The following CAPN14 variants were observed in gnomAD, a reference collection of about 807,000 sequenced individuals.
The protein encoded by CAPN14 is calpain-14.
A neutral mutation model predicts 101.3 loss-of-function variants in CAPN14; 94 were observed. The observed-to-expected ratio is 0.93, with a 90% CI of 0.79 to 1.10. The LOEUF is 1.10. Among genes scored for constraint, CAPN14 ranks in the 50% least tolerant of loss-of-function variants. CAPN14 has a pLI of 0.00. For synonymous variants in CAPN14, 338 were observed against 317.9 expected (o/e 1.06, Z -0.67); for missense variants, 837 against 828.4 (o/e 1.01, Z -0.13).
Position 31,191,368 on chromosome 2 carries a change from C to A in CAPN14, c.1287+31G>T, listed in dbSNP as rs1300622037. 3 of 1,541,554 alleles carry A rather than the reference C, an allele frequency of 1.9e-6. No individual in the cohort carries two copies. In the African/African-American group the frequency reaches 4.2e-5, roughly 22 times the overall value. ...TGGCCACATGTGATGTCACCCCAAA[C>A]TAGGGCCACCCGGTCAAGTGCAGAA... On this transcript the variant is annotated intron_variant, in intron 12 of 21. Transcript: ENST00000403897.
intron 1 of CAPN14, among the ~76,000 whole-genome samples, chr2:31,215,270 C>CT (rs56002934): frequency 0.42 from 62,430 of 149,454 alleles, 13,780 homozygotes; most frequent in East Asian, 0.58. Flanking sequence ...AAATTCATTC[C>CT]TTTTTTTTTT....
intron 11 of CAPN14, among the ~76,000 whole-genome samples, chr2:31,191,681 A>T (rs1681186215): frequency 3.3e-5 from 5 of 152,248 alleles, no homozygotes; most frequent in Non-Finnish European, 7.3e-5. Flanking sequence ...TGTGCCAGGC[A>T]CAATAACAAG....
At chr2:31,205,759 G>C (rs980749602) in intron 1 of CAPN14, among the ~76,000 whole-genome samples, 1 of 152,106 alleles carries the variant, frequency 6.6e-6, no homozygotes, top group Non-Finnish European at 1.5e-5. Flanking sequence ...TCAGGGCTGA[G>C]TCCTGGGCCC....
chr2:31,215,848 G>GA (rs35210385), intron 1 of CAPN14, among the ~76,000 whole-genome samples: 28 of 134,384 alleles, frequency 2.1e-4, no homozygotes, highest in Non-Finnish European at 3.7e-4. Context: ...TCTTAAAAAA[G>GA]AAAAAAAAAA....
At chr2:31,198,327 T>C (rs976134166) in intron 7 of CAPN14, among the ~76,000 whole-genome samples, 1 of 144,960 alleles carries the variant, frequency 6.9e-6, no homozygotes, top group African/African-American at 2.5e-5. Flanking sequence ...TGATGTCTCA[T>C]GTCTCCCTAA....
chr2:31,174,760 G>T (rs1229213701), intron 21 of CAPN14, 53 bp from the exon 22 acceptor site: 10 of 1,538,162 alleles, frequency 6.5e-6, no homozygotes, highest in Non-Finnish European at 8.8e-6. Flanking sequence ...CGTCTCATCT[G>T]GGCCTCCCCA....
Position 31,200,594 on chromosome 2 carries a change from C to T in CAPN14, c.583G>A (p.Gly195Arg), listed in dbSNP as rs1217087492. Residue 195 changes from glycine to arginine, a missense_variant, in exon 6 of 22, where the codon GGA (glycine) becomes AGA (arginine). Transcript: ENST00000403897. ...LSGSYEDLQS[G>R]QVSEALVDFT... Reference sequence around the variant, plus strand: ...TCTACAAGGGCTTCAGACACCTGTCCTGACTGCAAGTCTTCATAGGAACCA... The same window carrying T: ...TCTACAAGGGCTTCAGACACCTGTCTTGACTGCAAGTCTTCATAGGAACCA... 7.1e-6 allele frequency: 11 copies of T among 1,551,274 alleles called. No homozygotes were observed. The highest frequency in any genetic ancestry group is 9.6e-6 in the Non-Finnish European group (11 of 1,146,900).
intron 1 of CAPN14, among the ~76,000 whole-genome samples, chr2:31,216,328 T>C (rs558655304): frequency 3.3e-5 from 5 of 152,304 alleles, no homozygotes; most frequent in African/African-American, 1.2e-4. Flanking sequence ...CCTTTTCTAC[T>C]GCTTGTTTTG....
At chr2:31,181,583 AC>A (rs1481283342) in intron 16 of CAPN14, among the ~76,000 whole-genome samples, 1 of 145,878 alleles carries the variant, frequency 6.9e-6, no homozygotes, top group African/African-American at 2.6e-5. Context: ...CAGGTTAGTT[AC>A]GTATGTATAC....
chr2:31,193,129 A>C lies in CAPN14; in HGVS notation c.1114+2T>G, dbSNP rs1216326803. 5.2e-6 allele frequency: 8 copies of C among 1,548,714 alleles called. No individual in the cohort carries two copies. The highest frequency in any genetic ancestry group is 7.0e-6 in the Non-Finnish European group (8 of 1,146,716). ...GAGCCCTGCTCCTGTGCACATGCTC[A>C]CCCTGCAGCAACTGCCTCTGGCCAC... On this transcript the variant is annotated splice_donor_variant, in intron 10 of 21. Transcript: ENST00000403897. LOFTEE classifies it high-confidence loss of function.
intron 9 of CAPN14, 135 bp from the exon 10 acceptor site, chr2:31,193,429 G>A: frequency 1.1e-6 from 1 of 876,358 alleles, no homozygotes; most frequent in Non-Finnish European, 1.7e-6. Flanking sequence ...CTTGTGCAGA[G>A]CTGAGCTGAC....
intron 17 of CAPN14, 110 bp from the exon 18 acceptor site, chr2:31,178,689 A>G: frequency 6.2e-6 from 4 of 642,280 alleles, no homozygotes; most frequent in Non-Finnish European, 7.8e-6. Flanking sequence ...GCCTCATTCA[A>G]TGTCTGATCA....
At chr2:31,196,720 C>T (rs932456792) in intron 8 of CAPN14, among the ~76,000 whole-genome samples, 4 of 152,208 alleles carry the variant, frequency 2.6e-5, no homozygotes, top group Admixed American at 6.5e-5. Flanking sequence ...TAGGCAGAAA[C>T]AACCTAAATG....
chr2:31,181,440 TTCTTTTTC>T (rs1206282454), intron 16 of CAPN14, among the ~76,000 whole-genome samples: 24 of 147,512 alleles, frequency 1.6e-4, no homozygotes, highest in African/African-American at 5.8e-4. Flanking sequence ...CTTTCTTTCT[TTCTTTTTC>T]TTTCTTTTTT....
intron 1 of CAPN14, among the ~76,000 whole-genome samples, chr2:31,216,472 A>C (rs1048250570): frequency 3.3e-5 from 5 of 152,114 alleles, no homozygotes; most frequent in Non-Finnish European, 7.4e-5. Context: ...GATTAGACAG[A>C]ATTTCTGCCC....
At chr2:31,196,227 T>G (rs1392025287) in intron 8 of CAPN14, among the ~76,000 whole-genome samples, 6 of 152,222 alleles carry the variant, frequency 3.9e-5, no homozygotes, top group Non-Finnish European at 8.8e-5. Context: ...ATCCAAGAAC[T>G]TAAGAAGGTT....
upstream of CAPN14, among the ~76,000 whole-genome samples, chr2:31,218,996 T>C (rs1682773357): frequency 6.6e-6 from 1 of 152,090 alleles, no homozygotes; most frequent in African/African-American, 2.4e-5. Flanking sequence ...ACATAACCTT[T>C]TCATTTTCAT....
At position 31,197,344 on chromosome 2, in the gene CAPN14, A is replaced by G; in HGVS notation, c.790-10T>C. 1.9e-6 allele frequency: 3 copies of G among 1,541,138 alleles called. No individual in the cohort carries two copies. The highest frequency in any genetic ancestry group is 2.6e-6 in the Non-Finnish European group (3 of 1,137,310). On this transcript the variant is annotated splice_polypyrimidine_tract_variant and intron_variant, in intron 7 of 21. Coordinates refer to ENST00000403897, the MANE Select transcript of CAPN14 (RefSeq NM_001145122.2). The stretch of plus-strand genomic sequence containing the variant: ...TATGTTTGCAGGTCACCTGCATAAA[A>G]TGAGAGGCAGTTTAGGTGACTGGGC...
intron 16 of CAPN14, among the ~76,000 whole-genome samples, chr2:31,183,256 C>A (rs1349125748): frequency 6.6e-6 from 1 of 152,140 alleles, no homozygotes; most frequent in African/African-American, 2.4e-5. Context: ...TAGGCAATAC[C>A]ATTCAGGACA....
Sources: gnomAD v4.1 joint callset for allele counts (sites outside exome capture counted in the v4.1 genomes callset) on GRCh38, gnomAD v4.1.1 for gene constraint, MANE v1.5 for transcripts, NCBI Gene and HGNC (gene_info 2026-07-23, HGNC 2026-07-21) for gene names.